The following CNIH2 variants were observed in gnomAD, a reference collection of about 807,000 sequenced individuals.
CNIH2 encodes protein cornichon homolog 2.
A neutral mutation model predicts 22.9 loss-of-function variants in CNIH2; 8 were observed. The ratio of observed to expected loss-of-function variants is 0.35; its 90% CI spans 0.20 to 0.63. The LOEUF (loss-of-function observed/expected upper bound fraction) is 0.63, where lower values mean the gene tolerates loss of function less well. Among genes scored for constraint, CNIH2 ranks in the 30% least tolerant of loss-of-function variants. The pLI, the probability that CNIH2 is intolerant of heterozygous loss-of-function variation, is 0.72. For synonymous variants in CNIH2, 74 were observed against 78.2 expected (o/e 0.95, Z 0.28); for missense variants, 105 against 206.2 (o/e 0.51, Z 3.01).
At chr11:66,281,861 C>T (rs1298835657) in intron 1 of CNIH2, among the ~76,000 whole-genome samples, 1 of 152,076 alleles carries the variant, frequency 6.6e-6, no homozygotes, top group Non-Finnish European at 1.5e-5. Context: ...TCCAGGTCCT[C>T]CCTGTACCCC....
At position 66,283,083 on chromosome 11, in the gene CNIH2, C is replaced by G; in HGVS notation, c.247C>G (p.Leu83Val). 2 of 1,614,066 alleles carry G rather than the reference C, an allele frequency of 1.2e-6. No homozygotes were observed. The highest frequency in any genetic ancestry group is 1.7e-6 in the Non-Finnish European group (2 of 1,180,010). The stretch of plus-strand genomic sequence containing the variant: ...CCACGGCCTCTTCTGTCTGATGTTT[C>G]TGTGTGCAGCAGAGTGGGTGACCCT... ...SIHGLFCLMF[L>V]CAAEWVTLGL... Residue 83 changes from leucine to valine, a missense_variant, in exon 4 of 6, where the codon CTG becomes GTG. Leu to Val is a conservative substitution (Grantham distance 32, BLOSUM62 1). Coordinates refer to ENST00000311445, the MANE Select transcript of CNIH2 (RefSeq NM_182553.3).
intron 1 of CNIH2, among the ~76,000 whole-genome samples, chr11:66,280,057 T>C (rs1857237020): frequency 6.6e-6 from 1 of 152,192 alleles, no homozygotes. Flanking sequence ...AAGCCTCTTT[T>C]TGGGGCCTTC....
intron 2 of CNIH2, 161 bp from the exon 3 acceptor site, chr11:66,282,572 G>A: frequency 1.1e-6 from 1 of 904,808 alleles, no homozygotes; most frequent in Non-Finnish European, 1.7e-6. Context: ...CCCTTCCATG[G>A]TGACGGTCGC....
In CNIH2 at chr11:66,282,684, GTACC is replaced by G; in HGVS notation, c.151-47_151-44del. On this transcript the variant is annotated intron_variant, in intron 2 of 5. Coordinates refer to ENST00000311445, the MANE Select transcript of CNIH2 (RefSeq NM_182553.3). ...ATGTGGAGCGGTGGGAGCTGCTCCA[GTACC>G]TGCTTCTCCGCCACCCCATCGCGGC... The G allele has an allele frequency of 3.1e-6, 5 of 1,609,364 alleles. No individual in the cohort carries two copies. In the East Asian group the frequency reaches 1.1e-4, roughly 36 times the overall value.
At chr11:66,279,153 G>A (rs917909595) in intron 1 of CNIH2, among the ~76,000 whole-genome samples, 1 of 150,970 alleles carries the variant, frequency 6.6e-6, no homozygotes, top group African/African-American at 2.4e-5. Flanking sequence ...AGCCCCCCAG[G>A]TTTCCTCTCC....
chr11:66,282,992 G>C, intron 3 of CNIH2, 43 bp from the exon 4 acceptor site: 1 of 1,552,114 alleles, frequency 6.4e-7, no homozygotes, highest in Non-Finnish European at 8.9e-7. Context: ...AGGCTGGTCT[G>C]TCATAGCACC....
rs1206891627 is a variant in CNIH2 at position 66,278,418 on chromosome 11, G to A, written c.-39G>A. 4 of 1,043,002 alleles carry A rather than the reference G, an allele frequency of 3.8e-6. No homozygotes were observed. Among genetic ancestry groups the A allele is most frequent in the Non-Finnish European group, 2.3e-6 (2 of 851,242 alleles). 64.6% of individuals were successfully genotyped at this position (1,043,002 alleles called of 1,614,324 possible). The stretch of plus-strand genomic sequence containing the variant: ...GGGCGTCCCCTTGCGCCCGGGCCCC[G>A]CGCTGGCGCCCCCCGGGCCGCCGCC... On this transcript the variant is annotated 5_prime_UTR_variant, in exon 1 of 6. Transcript: ENST00000311445.
At chr11:66,282,429 G>GGTTGGGGGGGGGGGGGGGGGGGGC in intron 2 of CNIH2, 102 bp downstream of exon 2, 1 of 479,462 alleles carries the variant, frequency 2.1e-6, no homozygotes, top group Non-Finnish European at 4.2e-6. Flanking sequence ...GGGGTGGGGG[G>GGTTGGGGGGGGGGGGGGGGGGGGC]CCTACGGCCA....
chr11:66,282,641 G>A, intron 2 of CNIH2, 92 bp from the exon 3 acceptor site: 1 of 1,449,766 alleles, frequency 6.9e-7, no homozygotes, highest in Non-Finnish European at 9.6e-7. Flanking sequence ...GATCGCTCTG[G>A]CGCCCCCTGG....
chr11:66,282,627 C>T, intron 2 of CNIH2, 106 bp from the exon 3 acceptor site: 1 of 1,359,634 alleles, frequency 7.4e-7, no homozygotes, highest in Non-Finnish European at 1.0e-6. Context: ...GACAGTGCCG[C>T]AGAGATCGCT....
rs542790452 is a variant in CNIH2, at chr11:66,283,557, C to T, written c.456-13C>T. 63 of 1,595,648 alleles carry T rather than the reference C, an allele frequency of 3.9e-5. No homozygotes were observed. The highest frequency in any genetic ancestry group is 5.2e-5 in the Non-Finnish European group (61 of 1,170,356). ...GTGTGCAGGGCTAGGCTCACTGGCT[C>T]ATCTTCCTACAGTATGGTTTATACG... On this transcript the variant is annotated splice_polypyrimidine_tract_variant and intron_variant, in intron 5 of 5. Coordinates refer to ENST00000311445, the MANE Select transcript of CNIH2 (RefSeq NM_182553.3).
intron 1 of CNIH2, among the ~76,000 whole-genome samples, chr11:66,280,232 C>A (rs1228476402): frequency 6.6e-6 from 1 of 152,236 alleles, no homozygotes; most frequent in Non-Finnish European, 1.5e-5. Flanking sequence ...GTGGAGTGCC[C>A]AGGCTGGGAG....
chr11:66,282,429 G>GGGCC, intron 2 of CNIH2, 102 bp downstream of exon 2: 4 of 479,454 alleles, frequency 8.3e-6, no homozygotes, highest in East Asian at 5.8e-5. Context: ...GGGGTGGGGG[G>GGGCC]CCTACGGCCA....
chr11:66,280,532 C>T (rs546677244), intron 1 of CNIH2, among the ~76,000 whole-genome samples: 104 of 152,288 alleles, frequency 6.8e-4, no homozygotes, highest in African/African-American at 2.4e-3. Context: ...GCCCAGGCCC[C>T]AGTGGTTCCT....
intron 2 of CNIH2, 174 bp downstream of exon 2, chr11:66,282,501 C>T: frequency 2.2e-6 from 2 of 915,840 alleles, no homozygotes; most frequent in South Asian, 1.6e-5. Context: ...GGGCTGAGTT[C>T]CTCTTGGCGG....
At chr11:66,282,886 T>C in intron 3 of CNIH2, 106 bp downstream of exon 3, 3 of 1,432,164 alleles carry the variant, frequency 2.1e-6, no homozygotes, top group South Asian at 2.4e-5. Flanking sequence ...TGATCCACTC[T>C]ACTTGGGAGG....
At chr11:66,281,777 C>T (rs917062483) in intron 1 of CNIH2, among the ~76,000 whole-genome samples, 2 of 151,982 alleles carry the variant, frequency 1.3e-5, no homozygotes, top group African/African-American at 4.8e-5. Flanking sequence ...CTGCATTTCC[C>T]CCATTTGCTC....
rs1392758795 is a variant in CNIH2 at position 66,282,302 on chromosome 11, T to A, written c.125T>A (p.Ile42Asn). 4.3e-6 allele frequency: 7 copies of A among 1,613,246 alleles called. No individual in the cohort carries two copies. Among genetic ancestry groups the A allele is most frequent in the Non-Finnish European group, 8.5e-7 (1 of 1,179,876 alleles). The change falls in exon 2 of 6, where the codon ATC becomes AAC. Residue 42 changes from isoleucine (I) to asparagine (N), a missense_variant. Ile to Asn is a moderately radical substitution (Grantham distance 149). Transcript: ENST00000311445. The stretch of plus-strand genomic sequence containing the variant: ...CTGCGGACCGACTTCAAGAACCCCA[T>A]CGACCAGGGGAACCCTGCGCGGGCA... ...DELRTDFKNP[I>N]DQGNPARARE...
At chr11:66,281,011 G>A (rs1348278292) in intron 1 of CNIH2, among the ~76,000 whole-genome samples, 1 of 152,122 alleles carries the variant, frequency 6.6e-6, no homozygotes, top group African/African-American at 2.4e-5. Context: ...TTCCACCCGT[G>A]AGGACACTGC....
Sources: allele counts gnomAD v4.1 joint callset (sites outside exome capture counted in the v4.1 genomes callset), GRCh38; gene constraint gnomAD v4.1.1; transcripts MANE v1.5; gene names NCBI Gene and HGNC (gene_info 2026-07-23, HGNC 2026-07-21).